EREG: variants seen among roughly 807,000 people sequenced by gnomAD.
The protein encoded by EREG is epiregulin, also known as proepiregulin.
Under a neutral mutation model 22.4 loss-of-function variants are expected in EREG, and 23 were observed. The ratio of observed to expected loss-of-function variants is 1.03; its 90% CI spans 0.74 to 1.46. The LOEUF is 1.46. Among genes scored for constraint, EREG ranks in the 40% most tolerant of loss-of-function variants. EREG has a pLI of 0.00. For missense variants in EREG, 226 were observed against 205.9 expected, an observed-to-expected ratio of 1.10 and a Z score of -0.60; for synonymous variants, 100 against 75.4, an observed-to-expected ratio of 1.33 and a Z score of -1.69.
chr4:74,376,869 G>A (rs1426646509), intron 1 of EREG, among the ~76,000 whole-genome samples: 4 of 152,174 alleles, frequency 2.6e-5, no homozygotes, highest in African/African-American at 9.7e-5. Flanking sequence ...ACAGAATTAA[G>A]TGTGAAATTT....
chr4:74,386,264 A>G lies in EREG; in HGVS notation c.*1456A>G, dbSNP rs187998551. On this transcript the variant is annotated 3_prime_UTR_variant, in exon 5 of 5. Transcript: ENST00000244869. Reference sequence around the variant, plus strand: ...GAGGATCTGTTCTTCCTCTACGTTTATCCTGGCATGTGCTAGGGTAAACGA... The same window carrying G: ...GAGGATCTGTTCTTCCTCTACGTTTGTCCTGGCATGTGCTAGGGTAAACGA... 1.8e-3 allele frequency: 279 copies of G among 156,020 alleles called. No individual in the cohort carries two copies. Among genetic ancestry groups the G allele is most frequent in the Non-Finnish European group, 3.0e-3 (213 of 70,580 alleles). The allele number at this position is 156,020 out of a possible 1,614,324, so 9.7% of individuals were successfully genotyped here.
At position 74,382,717 on chromosome 4, in the gene EREG, A is replaced by G. The variant is rs2367707; in HGVS notation, c.351A>G (p.Glu117=). ...CCGTCCACCAACCTTTAAGCAAAGA[A>G]TATGTGGCTTTGACCGTGATTCTTA... is the stretch of plus-strand genomic sequence containing the variant. ...FLTVHQPLSK[E]YVALTVILII... The change falls in exon 4 of 5, where the codon GAA becomes GAG. Residue 117 remains glutamate, a synonymous_variant. Coordinates refer to ENST00000244869, the MANE Select transcript of EREG (RefSeq NM_001432.3). 0.79 allele frequency: 1,271,632 copies of G among 1,612,664 alleles called. 502,511 individuals are homozygous for G. The highest frequency in any genetic ancestry group is 0.86 in the Admixed American group (51,411 of 59,964).
intron 1 of EREG, among the ~76,000 whole-genome samples, chr4:74,372,030 A>G (rs1246976342): frequency 6.6e-6 from 1 of 152,098 alleles, no homozygotes; most frequent in East Asian, 1.9e-4. Context: ...CGCTCAATAG[A>G]TATTTATTGA....
chr4:74,380,051 G>A (rs1208577873), intron 2 of EREG, among the ~76,000 whole-genome samples: 2 of 152,292 alleles, frequency 1.3e-5, no homozygotes, highest in African/African-American at 2.4e-5. Flanking sequence ...ACAAAGATAA[G>A]TAATACAGTT....
chr4:74,380,580 A>G (rs1025627721), intron 2 of EREG, among the ~76,000 whole-genome samples: 1 of 152,342 alleles, frequency 6.6e-6, no homozygotes, highest in African/African-American at 2.4e-5. Context: ...CCACTGTAGA[A>G]TTAAGCTCCT....
intron 1 of EREG, among the ~76,000 whole-genome samples, chr4:74,367,971 C>T (rs1752215133): frequency 6.6e-6 from 1 of 152,208 alleles, no homozygotes; most frequent in Non-Finnish European, 1.5e-5. Context: ...ATCACCTCTA[C>T]TTCTTAAAAT....
rs139207672 is a variant in EREG, at chr4:74,376,283, A to AT, written c.68-3158dup. Among the ~76,000 whole-genome samples, 1,058 of 152,188 alleles carry AT rather than the reference A, an allele frequency of 7.0e-3. 17 individuals are homozygous for AT. The highest frequency in any genetic ancestry group is 0.024 in the African/African-American group (978 of 41,522). ...ATAGAGAAACTAGCTTCAAATGTGC[A>AT]TTTTTTTCCCCCTGGCTAGCATTTT... On this transcript the variant is annotated intron_variant, in intron 1 of 4. Transcript: ENST00000244869.
chr4:74,388,407 T>G lies in EREG; in HGVS notation c.*3599T>G, dbSNP rs190950117. On this transcript the variant is annotated 3_prime_UTR_variant, in exon 5 of 5. Coordinates refer to ENST00000244869, the MANE Select transcript of EREG (RefSeq NM_001432.3). ...AATATCTGTTATTCAAATTTGATGA[T>G]GTTAAATGTAATATAATGTATTTTC... 6.6e-6 allele frequency: 1 copy of G among 152,592 alleles called. No individual in the cohort carries two copies. The highest frequency in any genetic ancestry group is 2.4e-5 in the African/African-American group (1 of 41,462). The allele number at this position is 152,592 out of a possible 1,614,324, so 9.5% of individuals were successfully genotyped here.
In EREG at chr4:74,365,182, A is replaced by G. The variant is rs1752150092; in HGVS notation, c.-127A>G. ...TTTCCAGTGTCAGAGGGACACAGCC[A>G]ACGTGGGGTCCCTTCTAGGCTGACA... On this transcript the variant is annotated 5_prime_UTR_variant, in exon 1 of 5. Coordinates refer to ENST00000244869, the MANE Select transcript of EREG (RefSeq NM_001432.3). 4 of 699,472 alleles carry G rather than the reference A, an allele frequency of 5.7e-6. No homozygotes were observed. Among genetic ancestry groups the G allele is most frequent in the East Asian group, 2.7e-5 (1 of 37,022 alleles). The allele number at this position is 699,472 out of a possible 1,614,324, so 43.3% of individuals were successfully genotyped here.
intron 1 of EREG, among the ~76,000 whole-genome samples, chr4:74,368,175 C>G (rs1175632848): frequency 6.6e-6 from 1 of 152,160 alleles, no homozygotes; most frequent in Admixed American, 6.5e-5. Context: ...AGGGTTCAGA[C>G]CCTCTCATAG....
Position 74,388,605 on chromosome 4 carries a change from A to G in EREG, c.*3797A>G, listed in dbSNP as rs1362883309. ...AATTGTATCAATTTGTTTGTGTTCA[A>G]TATCAGCTTTGATAATTGTGTACCT... On this transcript the variant is annotated 3_prime_UTR_variant, in exon 5 of 5. Transcript: ENST00000244869. The G allele has an allele frequency of 1.3e-5, 2 of 152,634 alleles. No homozygotes were observed. Among genetic ancestry groups the G allele is most frequent in the Non-Finnish European group, 2.9e-5 (2 of 68,026 alleles). The allele number at this position is 152,634 out of a possible 1,614,324, so 9.5% of individuals were successfully genotyped here. A position where few individuals can be genotyped will look rare whatever the true frequency, so the allele number is the denominator to read the frequency against.
intron 1 of EREG, among the ~76,000 whole-genome samples, chr4:74,372,903 G>A (rs544861231): frequency 6.9e-6 from 1 of 145,712 alleles, no homozygotes; most frequent in African/African-American, 2.6e-5. Context: ...TGCTTCCCGG[G>A]TTCACGCCAT....
rs1335671898 is a variant in EREG at position 74,386,649 on chromosome 4, A to G, written c.*1841A>G. On this transcript the variant is annotated 3_prime_UTR_variant, in exon 5 of 5. Transcript: ENST00000244869. ...TATTTAATACAGCTGAAGTCAAAATATGTAAGAACACATTTTAAATACTCT... is the reference window on the plus strand; with the variant it reads ...TATTTAATACAGCTGAAGTCAAAATGTGTAAGAACACATTTTAAATACTCT... 6.6e-6 allele frequency: 1 copy of G among 152,222 alleles called. No homozygotes were observed. Among genetic ancestry groups the G allele is most frequent in the Non-Finnish European group, 1.5e-5 (1 of 68,032 alleles). 9.4% of individuals were successfully genotyped at this position (152,222 alleles called of 1,614,324 possible).
At position 74,387,595 on chromosome 4, in the gene EREG, T is replaced by C. The variant is rs1752593220; in HGVS notation, c.*2787T>C. On this transcript the variant is annotated 3_prime_UTR_variant, in exon 5 of 5. Transcript: ENST00000244869. ...GGTGAAAATAAGACAAAAATAATAG[T>C]TTTAGTGAGGATGGTGCTGAGTAAA... The C allele has an allele frequency of 6.6e-6, 1 of 152,158 alleles. No homozygotes were observed. The highest frequency in any genetic ancestry group is 2.4e-5 in the African/African-American group (1 of 41,446). The allele number at this position is 152,158 out of a possible 1,614,324, so 9.4% of individuals were successfully genotyped here.
intron 1 of EREG, among the ~76,000 whole-genome samples, chr4:74,369,682 CAT>C (rs1390160519): frequency 3.9e-5 from 6 of 152,080 alleles, no homozygotes; most frequent in African/African-American, 9.7e-5. Context: ...CACACACACA[CAT>C]CTTTATATAT....
At position 74,374,738 on chromosome 4, in the gene EREG, G is replaced by A. The variant is rs114425103; in HGVS notation, c.68-4710G>A. 5.0e-3 allele frequency among the ~76,000 whole-genome samples: 763 copies of A among 152,172 alleles called. 2 individuals are homozygous for A. Among genetic ancestry groups the A allele is most frequent in the Non-Finnish European group, 8.8e-3 (595 of 67,992 alleles). ...GCGCGGTCCCCAATATTGTGTAAGGGTGTAGGCTCGGTCCTGACTCACAGG... is the reference window on the plus strand; with the variant it reads ...GCGCGGTCCCCAATATTGTGTAAGGATGTAGGCTCGGTCCTGACTCACAGG... On this transcript the variant is annotated intron_variant, in intron 1 of 4. Transcript: ENST00000244869.
rs1560600580 is a variant in EREG at position 74,384,780 on chromosome 4, C to T, written c.482C>T (p.Ser161Leu). Residue 161 changes from serine (S) to leucine (L), a missense_variant, in exon 5 of 5, where the codon TCA becomes TTA. Ser to Leu is a moderately radical substitution (Grantham distance 145, BLOSUM62 -2). Coordinates refer to ENST00000244869, the MANE Select transcript of EREG (RefSeq NM_001432.3). ...EPKKEYERVTSGDPELPQV is the reference protein window; with the variant it reads ...EPKKEYERVTLGDPELPQV ...AAGAAGGAATATGAGAGAGTTACCT[C>T]AGGGGATCCAGAGTTGCCGCAAGTC... The T allele has an allele frequency of 6.2e-7, 1 of 1,613,102 alleles. No individual in the cohort carries two copies. Among genetic ancestry groups the T allele is most frequent in the Admixed American group, 1.7e-5 (1 of 60,004 alleles).
At chr4:74,369,983 C>T (rs1752263026) in intron 1 of EREG, among the ~76,000 whole-genome samples, 1 of 152,002 alleles carries the variant, frequency 6.6e-6, no homozygotes, top group Non-Finnish European at 1.5e-5. Flanking sequence ...TCTTAGGATG[C>T]CTTTTTAGCC....
intron 1 of EREG, among the ~76,000 whole-genome samples, chr4:74,372,974 A>ATTTTTTTTTTTTTTTTTTTTTTTTTTTT (rs35483998): frequency 1.6e-5 from 1 of 63,148 alleles, no homozygotes; most frequent in Non-Finnish European, 2.9e-5. Context: ...CATCTGGCTA[A>ATTTTTTTTTTTTTTTTTTTTTTTTTTTT]TTTTTTTTTT....
Sources: gnomAD v4.1 joint callset for allele counts (sites outside exome capture counted in the v4.1 genomes callset) on GRCh38, gnomAD v4.1.1 for gene constraint, MANE v1.5 for transcripts, NCBI Gene and HGNC (gene_info 2026-07-23, HGNC 2026-07-21) for gene names.